Variants in RGS7 observed in about 807,000 individuals in gnomAD.
RGS7 encodes the protein regulator of G protein signaling 7, also known as regulator of G-protein signaling 7.
Under a neutral mutation model 81.1 loss-of-function variants are expected in RGS7, and 27 were observed. The ratio of observed to expected loss-of-function variants is 0.33; its 90% confidence interval spans 0.25 to 0.46. The LOEUF is 0.46. Ranked by LOEUF, RGS7 falls within the 20% of genes least tolerant of loss-of-function variation. The pLI is 1.00. For synonymous variants in RGS7, 208 were observed against 207.7 expected (o/e 1.00, Z -0.01); for missense variants, 396 against 607.4 (o/e 0.65, Z 3.66).
At chr1:240,875,995 A>G (rs965637986) in intron 6 of RGS7, among the ~76,000 whole-genome samples, 2 of 152,124 alleles carry the variant, frequency 1.3e-5, no homozygotes, top group African/African-American at 4.8e-5. Context: ...GCCTCTCTCT[A>G]TGATGCTGTT....
chr1:240,883,883 C>T (rs2148104425), intron 6 of RGS7, among the ~76,000 whole-genome samples: 1 of 152,096 alleles, frequency 6.6e-6, no homozygotes, highest in East Asian at 1.9e-4. Context: ...CAAGACCAGC[C>T]TGGCCAACAT....
chr1:241,187,881 C>G (rs967203708), intron 2 of RGS7, among the ~76,000 whole-genome samples: 1 of 151,912 alleles, frequency 6.6e-6, no homozygotes, highest in Non-Finnish European at 1.5e-5. Flanking sequence ...TATAAGCTAA[C>G]AAAGATCTAC....
intron 4 of RGS7, among the ~76,000 whole-genome samples, chr1:240,969,818 G>A (rs558960034): frequency 5.6e-4 from 86 of 152,286 alleles, no homozygotes; most frequent in Non-Finnish European, 1.0e-3. Flanking sequence ...GGTTCTGCTG[G>A]GAGTCTCAGG....
intron 6 of RGS7, among the ~76,000 whole-genome samples, chr1:240,900,718 C>T (rs1002120077): frequency 4.6e-5 from 7 of 152,182 alleles, no homozygotes; most frequent in African/African-American, 1.7e-4. Context: ...GGATGTGCCT[C>T]CCAGTTAGGC....
At chr1:240,985,621 C>G (rs34528220) in intron 3 of RGS7, among the ~76,000 whole-genome samples, 2,748 of 152,256 alleles carry the variant, frequency 0.018, 37 homozygotes, top group Non-Finnish European at 0.028. Flanking sequence ...TGCCACTTAG[C>G]AGATGCTGTA....
At chr1:241,258,770 A>G (rs1014800142) in intron 2 of RGS7, among the ~76,000 whole-genome samples, 3 of 152,206 alleles carry the variant, frequency 2.0e-5, no homozygotes, top group Non-Finnish European at 4.4e-5. Flanking sequence ...TCAGGAGGGA[A>G]AAACTATTCA....
chr1:240,935,749 G>A (rs975519838), intron 5 of RGS7, among the ~76,000 whole-genome samples: 1 of 152,180 alleles, frequency 6.6e-6, no homozygotes, highest in Non-Finnish European at 1.5e-5. Flanking sequence ...AGTCATTTAT[G>A]TAGACATAGA....
chr1:241,160,893 C>G (rs58516632), intron 2 of RGS7, among the ~76,000 whole-genome samples: 10,141 of 152,182 alleles, frequency 0.067, 626 homozygotes, highest in East Asian at 0.18. Context: ...AAGTGGACTC[C>G]TGTCGCTTGC....
chr1:241,153,373 T>C (rs1268666993), intron 2 of RGS7, among the ~76,000 whole-genome samples: 1 of 152,092 alleles, frequency 6.6e-6, no homozygotes, highest in Non-Finnish European at 1.5e-5. Flanking sequence ...GCATTTAACA[T>C]GAGAATCATA....
Position 240,776,158 on chromosome 1 carries a change from T to C in RGS7, c.*62A>G, listed in dbSNP as rs1198584687. On this transcript the variant is annotated 3_prime_UTR_variant, in exon 19 of 19. Coordinates refer to ENST00000440928, the MANE Select transcript of RGS7 (RefSeq NM_001364886.1). ...AGTCTGCATTCATGCTACAAGATGA[T>C]CCGTTTAGTAAGACTGAGCAAGGCT... is the stretch of plus-strand genomic sequence containing the variant. The C allele has an allele frequency of 1.2e-6, 2 of 1,606,792 alleles. No individual in the cohort carries two copies. Among genetic ancestry groups the C allele is most frequent in the African/African-American group, 1.3e-5 (1 of 74,752 alleles).
At chr1:240,964,992 C>A (rs148970781) in intron 4 of RGS7, among the ~76,000 whole-genome samples, 112 of 152,296 alleles carry the variant, frequency 7.4e-4, no homozygotes, top group African/African-American at 2.6e-3. Context: ...CTTTGTGGAA[C>A]TTTATCAGAT....
At chr1:241,248,615 A>T (rs111403363) in intron 2 of RGS7, among the ~76,000 whole-genome samples, 99 of 151,664 alleles carry the variant, frequency 6.5e-4, no homozygotes, top group East Asian at 5.1e-3. Flanking sequence ...TATTTTTTTT[A>T]AAATTTCTTC....
intron 2 of RGS7, among the ~76,000 whole-genome samples, chr1:241,152,595 G>C (rs1009728622): frequency 3.3e-5 from 5 of 152,202 alleles, no homozygotes; most frequent in African/African-American, 1.2e-4. Context: ...CTCCTCGTCA[G>C]GTACTTCTGG....
chr1:241,316,706 T>C (rs2080900037), intron 2 of RGS7, among the ~76,000 whole-genome samples: 1 of 152,198 alleles, frequency 6.6e-6, no homozygotes, highest in Non-Finnish European at 1.5e-5. Flanking sequence ...TCATAGATAT[T>C]GGCCTGTAGT....
intron 10 of RGS7, among the ~76,000 whole-genome samples, chr1:240,817,884 T>A (rs913219007): frequency 5.8e-4 from 89 of 152,308 alleles, no homozygotes; most frequent in African/African-American, 2.0e-3. Context: ...ATTACAGGCG[T>A]GAGCCACCGC....
intron 3 of RGS7, among the ~76,000 whole-genome samples, chr1:241,072,154 G>C (rs1026933923): frequency 6.6e-6 from 1 of 152,068 alleles, no homozygotes; most frequent in Non-Finnish European, 1.5e-5. Context: ...GTTAAGCCAG[G>C]TGGAGGTAAA....
At chr1:241,197,211 A>C (rs1405777487) in intron 2 of RGS7, among the ~76,000 whole-genome samples, 1 of 151,634 alleles carries the variant, frequency 6.6e-6, no homozygotes, top group Non-Finnish European at 1.5e-5. Flanking sequence ...GAAACTAAAA[A>C]TAGAAAATAT....
intron 2 of RGS7, among the ~76,000 whole-genome samples, chr1:241,297,262 A>T (rs2079483199): frequency 6.6e-6 from 1 of 152,352 alleles, no homozygotes; most frequent in African/African-American, 2.4e-5. Context: ...TGGAAAGAAA[A>T]CATACATTAT....
At chr1:241,051,489 C>T (rs544306639) in intron 3 of RGS7, among the ~76,000 whole-genome samples, 246 of 152,214 alleles carry the variant, frequency 1.6e-3, no homozygotes, top group Middle Eastern at 3.4e-3. Context: ...ACAGACTTCA[C>T]GTCCTAGCTT....
Sources: gnomAD v4.1 joint callset for allele counts (sites outside exome capture counted in the v4.1 genomes callset) on GRCh38, gnomAD v4.1.1 for gene constraint, MANE v1.5 for transcripts, NCBI Gene and HGNC (gene_info 2026-07-23, HGNC 2026-07-21) for gene names.